The following CDK5RAP1 variants were observed in gnomAD, a reference collection of about 807,000 sequenced individuals.
CDK5RAP1 encodes the protein mitochondrial tRNA methylthiotransferase CDK5RAP1.
In CDK5RAP1, 62 loss-of-function variants were observed where a neutral mutation model predicts 64.5. The observed-to-expected ratio is 0.96, with a 90% CI of 0.78 to 1.19. The LOEUF (loss-of-function observed/expected upper bound fraction) is 1.19. Ranked by LOEUF, CDK5RAP1 falls within the 50% of genes most tolerant of loss-of-function variation. The probability of loss-of-function intolerance (pLI) is 0.00; values close to 1 mark genes in which losing one functional copy is unlikely to be tolerated. For missense variants in CDK5RAP1, 657 were observed against 735.0 expected (o/e 0.89, Z 1.23); for synonymous variants, 250 against 261.9 (o/e 0.95, Z 0.44).
intron 7 of CDK5RAP1, among the ~76,000 whole-genome samples, chr20:33,383,122 G>A (rs933413218): frequency 6.2e-5 from 9 of 145,976 alleles, no homozygotes; most frequent in African/African-American, 1.5e-4. Context: ...CGGAGGTTGC[G>A]GTGAGCCAAG....
intron 10 of CDK5RAP1, among the ~76,000 whole-genome samples, chr20:33,371,646 G>A (rs111868099): frequency 2.0e-3 from 300 of 152,138 alleles, no homozygotes; most frequent in African/African-American, 6.7e-3. Context: ...AAAATTAGCT[G>A]GGCATGGTGG....
chr20:33,395,888 C>T (rs145617096), intron 2 of CDK5RAP1, among the ~76,000 whole-genome samples: 180 of 152,162 alleles, frequency 1.2e-3, no homozygotes, highest in African/African-American at 3.8e-3. Context: ...GTGGCGTGCA[C>T]CTGTAATCCC....
At position 33,396,921 on chromosome 20, in the gene CDK5RAP1, C is replaced by A. The variant is rs759292469; in HGVS notation, c.144G>T (p.Glu48Asp). The change falls in exon 2 of 14, where the codon GAG (glutamate) becomes GAT (aspartate). Residue 48 changes from glutamate to aspartate, a missense_variant. Coordinates refer to ENST00000346416, the MANE Select transcript of CDK5RAP1 (RefSeq NM_016408.4). ...AGCTGAAATCCTTCCGAGCTCCATC[C>A]TCCTGCCTCTCTGGACTGGGACACA... ...STMCPSPERQ[E>D]DGARKDFSSR... 1 of 1,614,210 alleles carries A rather than the reference C, an allele frequency of 6.2e-7. No homozygotes were observed. The highest frequency in any genetic ancestry group is 1.7e-5 in the Admixed American group (1 of 60,018).
rs1984833577 is a variant in CDK5RAP1 at position 33,370,587 on chromosome 20, T to C, written c.1304A>G (p.Glu435Gly). The change falls in exon 11 of 14, where the codon GAG (glutamate) becomes GGG (glycine). Residue 435 changes from glutamate to glycine, a missense_variant. By Grantham distance (98) the Glu-to-Gly change is moderately conservative (BLOSUM62 -2). Coordinates refer to ENST00000346416, the MANE Select transcript of CDK5RAP1 (RefSeq NM_016408.4). The part of the protein sequence containing the change: ...SSDFIAGFCG[E>G]TEEDHVQTVS... ...TGTCTGGACGTGATCTTCCTCCGTC[T>C]CACCACAAAAGCCAGCAATGAAATC... 1 of 1,614,008 alleles carries C rather than the reference T, an allele frequency of 6.2e-7. No homozygotes were observed. The highest frequency in any genetic ancestry group is 1.7e-5 in the Admixed American group (1 of 60,000).
chr20:33,374,163 A>T lies in CDK5RAP1; in HGVS notation c.1157T>A (p.Leu386Gln). ...ACGGCTGCTTCCACTCTGGGCTGGC[A>T]GGTGGATCTGTTTACAGATGTTATC... ...ERDNICKQIH[L>Q]PAQSGSSRVL... is the part of the protein sequence containing the mutation. The change falls in exon 9 of 14, where the codon CTG (leucine) becomes CAG (glutamine). Residue 386 changes from leucine to glutamine, a missense_variant. Physicochemically the swap from Leu to Gln is moderately radical, Grantham distance 113 (BLOSUM62 -2). Transcript: ENST00000346416. 6.2e-7 allele frequency: 1 copy of T among 1,614,052 alleles called. No individual in the cohort carries two copies. The highest frequency in any genetic ancestry group is 8.5e-7 in the Non-Finnish European group (1 of 1,179,878).
At chr20:33,363,466 A>G (rs1026563969) in intron 12 of CDK5RAP1, among the ~76,000 whole-genome samples, 5 of 152,174 alleles carry the variant, frequency 3.3e-5, no homozygotes, top group African/African-American at 9.7e-5. Flanking sequence ...CAAGATACAC[A>G]TTACAGTATT....
At chr20:33,367,663 C>G (rs1302748661) in intron 11 of CDK5RAP1, among the ~76,000 whole-genome samples, 1 of 152,166 alleles carries the variant, frequency 6.6e-6, no homozygotes, top group African/African-American at 2.4e-5. Flanking sequence ...AAGGAAGAAC[C>G]ACTCATGTAC....
At position 33,387,472 on chromosome 20, in the gene CDK5RAP1, C is replaced by G. The variant is rs758936270; in HGVS notation, c.606G>C (p.Leu202Phe). The change falls in exon 6 of 14, where the codon TTG becomes TTC. Residue 202 changes from leucine (L) to phenylalanine (F), a missense_variant. By Grantham distance (22) the Leu-to-Phe change is conservative. Transcript: ENST00000346416. ...ILNREKMVDI[L>F]AGPDAYRDLP... ...GGTCCCGGTAGGCATCAGGACCAGC[C>G]AAAATATCTACCATTTTCTCTCTGT... 2 of 1,614,106 alleles carry G rather than the reference C, an allele frequency of 1.2e-6. No individual in the cohort carries two copies. The highest frequency in any genetic ancestry group is 2.2e-5 in the South Asian group (2 of 91,070).
Position 33,360,456 on chromosome 20 carries a change from C to G in CDK5RAP1, c.1578G>C (p.Arg526Ser), listed in dbSNP as rs200561034. 3.7e-6 allele frequency: 6 copies of G among 1,613,432 alleles called. No individual in the cohort carries two copies. The highest frequency in any genetic ancestry group is 5.1e-6 in the Non-Finnish European group (6 of 1,179,612). Residue 526 changes from arginine (R) to serine (S), a missense_variant, in exon 13 of 14, where the codon AGG becomes AGC. Coordinates refer to ENST00000346416, the MANE Select transcript of CDK5RAP1 (RefSeq NM_016408.4). The stretch of plus-strand genomic sequence containing the variant: ...AGATCACCTTAAGGTTTCCATCATT[C>G]CTGCCACACAGGTCAGTGGCAGAGC... ...SKRSATDLCGRNDGNLKVIFP... is the reference protein window; with the variant it reads ...SKRSATDLCGSNDGNLKVIFP...
intron 7 of CDK5RAP1, 24 bp downstream of exon 7, chr20:33,385,626 A>T (rs1301082933): frequency 6.2e-7 from 1 of 1,612,936 alleles, no homozygotes; most frequent in Non-Finnish European, 8.5e-7. Context: ...TGTTCACAGC[A>T]AGAAAGCCTG....
intron 6 of CDK5RAP1, among the ~76,000 whole-genome samples, chr20:33,387,081 T>C (rs1050322809): frequency 6.6e-6 from 1 of 151,626 alleles, no homozygotes; most frequent in African/African-American, 2.4e-5. Flanking sequence ...CTGGGCAATA[T>C]AGTGAGACCC....
At chr20:33,398,851 A>G (rs1186047866) in intron 1 of CDK5RAP1, among the ~76,000 whole-genome samples, 1 of 152,158 alleles carries the variant, frequency 6.6e-6, no homozygotes, top group East Asian at 1.9e-4. Flanking sequence ...GCTTGAGCCC[A>G]GGAGATCAAT....
intron 12 of CDK5RAP1, among the ~76,000 whole-genome samples, chr20:33,364,010 G>T (rs1022808580): frequency 2.6e-5 from 4 of 152,014 alleles, no homozygotes; most frequent in Non-Finnish European, 5.9e-5. Flanking sequence ...AGGGAAATTA[G>T]AACACTGAGC....
Position 33,385,849 on chromosome 20 carries a change from T to C in CDK5RAP1, c.756-79A>G, listed in dbSNP as rs558817507. On this transcript the variant is annotated intron_variant, in intron 6 of 13. Coordinates refer to ENST00000346416, the MANE Select transcript of CDK5RAP1 (RefSeq NM_016408.4). Reference sequence around the variant, plus strand: ...CCCAAGGAGCAGGACTCAGCTTCAATAGCATTATTCTTTGGCTCTGAATCC... The same window carrying C: ...CCCAAGGAGCAGGACTCAGCTTCAACAGCATTATTCTTTGGCTCTGAATCC... The C allele has an allele frequency of 2.9e-5, 40 of 1,359,988 alleles. No homozygotes were observed. The African/African-American group carries it at 3.2e-4, about 11-fold the overall frequency. 84.2% of individuals were successfully genotyped at this position (1,359,988 alleles called of 1,614,324 possible).
chr20:33,371,484 T>C (rs1436835191), intron 10 of CDK5RAP1, among the ~76,000 whole-genome samples: 1 of 152,054 alleles, frequency 6.6e-6, no homozygotes, highest in Non-Finnish European at 1.5e-5. Context: ...AAAGTATTTG[T>C]CCATAAAAGT....
At chr20:33,372,142 A>G (rs1475769732) in intron 10 of CDK5RAP1, among the ~76,000 whole-genome samples, 3 of 152,150 alleles carry the variant, frequency 2.0e-5, no homozygotes, top group Non-Finnish European at 2.9e-5. Flanking sequence ...TTCTCTCCAT[A>G]TTATGCTTAA....
At chr20:33,370,731 G>C in intron 10 of CDK5RAP1, 102 bp from the exon 11 acceptor site, 1 of 1,233,290 alleles carries the variant, frequency 8.1e-7, no homozygotes, top group African/African-American at 1.5e-5. Context: ...CAACTGTAAG[G>C]TCCTCCCTAG....
At chr20:33,400,220 C>T (rs1352870655) in intron 1 of CDK5RAP1, among the ~76,000 whole-genome samples, 1 of 152,264 alleles carries the variant, frequency 6.6e-6, no homozygotes, top group Non-Finnish European at 1.5e-5. Context: ...TCCTCACAGG[C>T]CACAGACAGG....
At chr20:33,367,846 T>C (rs1221693657) in intron 11 of CDK5RAP1, among the ~76,000 whole-genome samples, 2 of 152,178 alleles carry the variant, frequency 1.3e-5, no homozygotes, top group African/African-American at 4.8e-5. Context: ...GACAAAAATA[T>C]GGAATAAAAG....
Sources: gnomAD v4.1 joint callset for allele counts (sites outside exome capture counted in the v4.1 genomes callset) on GRCh38, gnomAD v4.1.1 for gene constraint, MANE v1.5 for transcripts, NCBI Gene and HGNC (gene_info 2026-07-23, HGNC 2026-07-21) for gene names.